The following NOTCH1 variants were observed in gnomAD, a reference collection of about 807,000 sequenced individuals.
NOTCH1 encodes neurogenic locus notch homolog protein 1.
In NOTCH1, 37 loss-of-function variants were observed where a neutral mutation model predicts 254.8. That is an observed-to-expected ratio of 0.15 (90% CI 0.11 to 0.19). The LOEUF is 0.19. Ranked by LOEUF, NOTCH1 falls within the 10% of genes least tolerant of loss-of-function variation. NOTCH1 has a pLI of 1.00. For synonymous variants in NOTCH1, 1,731 were observed against 1,618.1 expected (o/e 1.07, Z -1.68); for missense variants, 2,972 against 3,708.6 (o/e 0.80, Z 5.16).
At chr9:136,501,439 CAAAAAAAAAAGA>C (rs1030835368) in intron 30 of NOTCH1, among the ~76,000 whole-genome samples, 6 of 53,250 alleles carry the variant, frequency 1.1e-4, no homozygotes, top group Admixed American at 1.9e-4. Context: ...ATCTCAAAAA[CAAAAAAAAAAGA>C]AAAAAAAAAA....
At chr9:136,543,339 T>TATCACCACCCAGAGGAGGC in intron 2 of NOTCH1, 1 of 176,382 alleles carries the variant, frequency 5.7e-6, no homozygotes, top group Non-Finnish European at 1.1e-5. Context: ...CTAGAGGAGG[T>TATCACCACCCAGAGGAGGC]ATCACCACCC....
rs920841068 is a variant in NOTCH1, at chr9:136,497,559, C to G, written c.6181-1G>C. The G allele has an allele frequency of 6.3e-7, 1 of 1,592,192 alleles. No individual in the cohort carries two copies. Among genetic ancestry groups the G allele is most frequent in the Non-Finnish European group, 8.5e-7 (1 of 1,170,690 alleles). On this transcript the variant is annotated splice_acceptor_variant, in intron 33 of 33. Transcript: ENST00000651671. LOFTEE classifies it high-confidence loss of function. ...CGGCCAGAAACAGGGGTGTCTCCTC[C>G]TGGGGGATGAGGGCGGGGGCCGGTG...
chr9:136,509,784 G>A lies in NOTCH1; in HGVS notation c.2918C>T (p.Ala973Val), dbSNP rs770226987. 6.2e-7 allele frequency: 1 copy of A among 1,613,094 alleles called. No homozygotes were observed. ...CTCACAGTGGATCCCGCTGAAGCCTGCGGGGCAGGTGCACGTGTAGCTGTC... is the reference window on the plus strand; with the variant it reads ...CTCACAGTGGATCCCGCTGAAGCCTACGGGGCAGGTGCACGTGTAGCTGTC... ...CVDSYTCTCP[A>V]GFSGIHCENN... Residue 973 changes from alanine to valine, a missense_variant, in exon 18 of 34, where the codon GCA becomes GTA. By Grantham distance (64) the Ala-to-Val change is moderately conservative. Transcript: ENST00000651671.
At chr9:136,532,390 C>T (rs770854315) in intron 2 of NOTCH1, among the ~76,000 whole-genome samples, 31 of 152,220 alleles carry the variant, frequency 2.0e-4, no homozygotes, top group Non-Finnish European at 4.3e-4. Context: ...CGCAGGACCT[C>T]GCCCAAATCC....
chr9:136,519,336 C>T, intron 5 of NOTCH1, 107 bp downstream of exon 5: 1 of 1,518,040 alleles, frequency 6.6e-7, no homozygotes. Flanking sequence ...TCTGCCTGGC[C>T]TGGGACAGGG....
rs11574912 is a variant in NOTCH1, at chr9:136,495,935, T to C, written c.*136A>G. 4.7e-3 allele frequency: 4,552 copies of C among 972,424 alleles called. 159 individuals carry two copies. In the African/African-American group the frequency reaches 0.065, roughly 14 times the overall value. The allele number at this position is 972,424 out of a possible 1,614,324, so 60.2% of individuals were successfully genotyped here. A position where few individuals can be genotyped will look rare whatever the true frequency, so the allele number is the denominator to read the frequency against. ...GTACATAAATAAATACTAAAAAAAA[T>C]TAAAATCCTCGTTCTTATTTTGTAT... is the stretch of plus-strand genomic sequence containing the variant. On this transcript the variant is annotated 3_prime_UTR_variant, in exon 34 of 34. Coordinates refer to ENST00000651671, the MANE Select transcript of NOTCH1 (RefSeq NM_017617.5).
At chr9:136,538,227 C>T (rs1365844129) in intron 2 of NOTCH1, among the ~76,000 whole-genome samples, 1 of 152,136 alleles carries the variant, frequency 6.6e-6, no homozygotes, top group Non-Finnish European at 1.5e-5. Context: ...CAAGGAGAAC[C>T]CAACCAGGCA....
Position 136,513,542 on chromosome 9 carries a change from A to C in NOTCH1, c.2208-5T>G. 1 of 1,612,852 alleles carries C rather than the reference A, an allele frequency of 6.2e-7. No individual in the cohort carries two copies. Among genetic ancestry groups the C allele is most frequent in the Non-Finnish European group, 8.5e-7 (1 of 1,179,960 alleles). ...GGGTCACAGTCGCACTTGTACCTGC[A>C]AGGGGGACCACACTGCAGGTCGAGG... On this transcript the variant is annotated splice_polypyrimidine_tract_variant and splice_region_variant and intron_variant, in intron 13 of 33. Transcript: ENST00000651671. This position sits in a 1 kb window ranked among gnomAD's most constrained non-coding sequence, Gnocchi z 4.7.
rs538012945 is a variant in NOTCH1, at chr9:136,512,196, G to T, written c.2467+825C>A. ...CAGGGGCGCCCAGCCGTGGAGGGAGGGTCCTCACTGACTGACACAGGAGAG... is the reference window on the plus strand; with the variant it reads ...CAGGGGCGCCCAGCCGTGGAGGGAGTGTCCTCACTGACTGACACAGGAGAG... On this transcript the variant is annotated intron_variant, in intron 15 of 33. Coordinates refer to ENST00000651671, the MANE Select transcript of NOTCH1 (RefSeq NM_017617.5). 2.9e-3 allele frequency among the ~76,000 whole-genome samples: 447 copies of T among 152,348 alleles called. 2 individuals are homozygous for T. Among genetic ancestry groups the T allele is most frequent in the Admixed American group, 5.7e-3 (87 of 15,310 alleles).
chr9:136,501,610 G>A (rs1448168725), intron 30 of NOTCH1, 138 bp downstream of exon 30: 16 of 1,082,382 alleles, frequency 1.5e-5, no homozygotes, highest in Middle Eastern at 2.9e-4. Context: ...ACTCTGAATG[G>A]GAAACACCCC....
intron 1 of NOTCH1, among the ~76,000 whole-genome samples, chr9:136,544,683 A>T (rs1259139543): frequency 6.6e-6 from 1 of 152,076 alleles, no homozygotes; most frequent in Non-Finnish European, 1.5e-5. Context: ...CCCATTGTGG[A>T]GTCGGGGCCG....
rs757587647 is a variant in NOTCH1, at chr9:136,497,256, G to A, written c.6483C>T (p.Pro2161=). Residue 2161 remains proline (P), a synonymous_variant, in exon 34 of 34, where the codon CCC becomes CCT. Coordinates refer to ENST00000651671, the MANE Select transcript of NOTCH1 (RefSeq NM_017617.5). ...PGVQGKKVRK[P]SSKGLACGSK... Reference sequence around the variant, plus strand: ...TTCCACAGGCCAGGCCTTTGCTGCTGGGCTTGCGGACCTTCTTGCCCTGCA... The same window carrying A: ...TTCCACAGGCCAGGCCTTTGCTGCTAGGCTTGCGGACCTTCTTGCCCTGCA... The A allele has an allele frequency of 3.1e-6, 5 of 1,611,746 alleles. No homozygotes were observed. The highest frequency in any genetic ancestry group is 1.3e-5 in the African/African-American group (1 of 75,058).
rs1350374196 is a variant in NOTCH1 at position 136,511,288 on chromosome 9, C to A, written c.2468-17G>T. The A allele has an allele frequency of 6.2e-7, 1 of 1,604,294 alleles. No homozygotes were observed. The highest frequency in any genetic ancestry group is 8.5e-7 in the Non-Finnish European group (1 of 1,177,646). On this transcript the variant is annotated splice_polypyrimidine_tract_variant and intron_variant, in intron 15 of 33. Transcript: ENST00000651671. Reference sequence around the variant, plus strand: ...ACGTGGCACCTGCGGGAAGGAGACACACGTGACCCCGGGAGCCTCACCCAG... The same window carrying A: ...ACGTGGCACCTGCGGGAAGGAGACAAACGTGACCCCGGGAGCCTCACCCAG...
At chr9:136,535,190 G>C (rs1350309488) in intron 2 of NOTCH1, among the ~76,000 whole-genome samples, 1 of 151,922 alleles carries the variant, frequency 6.6e-6, no homozygotes, top group Non-Finnish European at 1.5e-5. Flanking sequence ...AGGGGCTGAG[G>C]ACTCGGAGGA....
In NOTCH1 at chr9:136,508,071, G is replaced by A. The variant is rs769854763; in HGVS notation, c.3394C>T (p.Arg1132Cys). 11 of 1,610,710 alleles carry A rather than the reference G, an allele frequency of 6.8e-6. No homozygotes were observed. The highest frequency in any genetic ancestry group is 1.1e-5 in the South Asian group (1 of 91,092). Residue 1132 changes from arginine to cysteine, a missense_variant, in exon 21 of 34, where the codon CGC becomes TGC. Physicochemically the swap from Arg to Cys is radical, Grantham distance 180. Around this residue, in one of 8 missense-constraint regions of NOTCH1, gnomAD observed 1,343 missense variants for 1,557.0 expected, o/e 0.86. Coordinates refer to ENST00000651671, the MANE Select transcript of NOTCH1 (RefSeq NM_017617.5). ...CTGCCTGTGTAGCCCGCCTGGCAGCGGCAGTGGTGCGTGTTGCCCGCGTCC... is the reference window on the plus strand; with the variant it reads ...CTGCCTGTGTAGCCCGCCTGGCAGCAGCAGTGGTGCGTGTTGCCCGCGTCC... ...CVDAGNTHHC[R>C]CQAGYTGSYC...
intron 2 of NOTCH1, among the ~76,000 whole-genome samples, chr9:136,531,368 G>A (rs1328015312): frequency 6.6e-6 from 1 of 152,220 alleles, no homozygotes; most frequent in Non-Finnish European, 1.5e-5. Flanking sequence ...GAGCGGGGCA[G>A]GGCAAGGCAG....
At chr9:136,500,315 C>T (rs1055061102) in intron 31 of NOTCH1, among the ~76,000 whole-genome samples, 3 of 152,212 alleles carry the variant, frequency 2.0e-5, no homozygotes, top group Non-Finnish European at 2.9e-5. Context: ...CTCAGCAGAT[C>T]CCCCAGGCCT....
rs377488165 is a variant in NOTCH1, at chr9:136,508,024, G to A, written c.3441C>T (p.Asp1147=). The A allele has an allele frequency of 3.0e-5, 49 of 1,612,298 alleles. No homozygotes were observed. Among genetic ancestry groups the A allele is most frequent in the Non-Finnish European group, 3.9e-5 (46 of 1,180,018 alleles). Residue 1147 remains aspartate, a synonymous_variant, in exon 21 of 34, where the codon GAC becomes GAT. Coordinates refer to ENST00000651671, the MANE Select transcript of NOTCH1 (RefSeq NM_017617.5). ...TCTGGCAGGGGCTGGGTGAGCACTC[G>A]TCCACCAGGTCCTCACAGTAGCTGC... is the stretch of plus-strand genomic sequence containing the variant. ...YTGSYCEDLV[D]ECSPSPCQNG...
At chr9:136,509,697 CG>C (rs1564194000) in intron 18 of NOTCH1, 35 bp downstream of exon 18, 2 of 1,592,502 alleles carry the variant, frequency 1.3e-6, no homozygotes, top group South Asian at 2.2e-5. Context: ...CCGCACCGCC[CG>C]TTCCCTTCCA....
Sources: allele counts gnomAD v4.1 joint callset (sites outside exome capture counted in the v4.1 genomes callset), GRCh38; gene constraint gnomAD v4.1.1; regional missense constraint gnomAD v4.1.1; non-coding constraint Gnocchi (gnomAD v3.1); transcripts MANE v1.5; gene names NCBI Gene and HGNC (gene_info 2026-07-23, HGNC 2026-07-21).